The following PDE8A variants were observed in gnomAD, a reference collection of about 807,000 sequenced individuals.
PDE8A encodes the protein phosphodiesterase 8A.
Under a neutral mutation model 105.0 loss-of-function variants are expected in PDE8A, and 59 were observed. That is an observed-to-expected ratio of 0.56 (90% CI 0.46 to 0.70). The LOEUF (loss-of-function observed/expected upper bound fraction) is 0.70. Ranked by LOEUF, PDE8A falls within the 30% of genes least tolerant of loss-of-function variation. The pLI, the probability that PDE8A is intolerant of heterozygous loss-of-function variation, is 0.00. For missense variants in PDE8A, 1,014 were observed against 1,045.9 expected (o/e 0.97, Z 0.42); for synonymous variants, 355 against 371.9 (o/e 0.95, Z 0.52).
chr15:85,079,006 A>C (rs994518504), intron 5 of PDE8A, among the ~76,000 whole-genome samples: 3 of 152,188 alleles, frequency 2.0e-5, no homozygotes, highest in Admixed American at 2.0e-4. Context: ...GAACTACAAC[A>C]GAAATTTGAA....
chr15:85,097,724 G>T, intron 8 of PDE8A: 1 of 479,970 alleles, frequency 2.1e-6, no homozygotes. Flanking sequence ...GAAAATATAT[G>T]ACCACTTAGA....
chr15:84,988,653 C>A (rs1057263195), intron 1 of PDE8A, among the ~76,000 whole-genome samples: 2 of 152,230 alleles, frequency 1.3e-5, no homozygotes, highest in Non-Finnish European at 2.9e-5. Context: ...GCTGTTCCCC[C>A]ACCAGTGCTG....
chr15:85,039,582 C>T (rs1318669018), intron 1 of PDE8A, among the ~76,000 whole-genome samples: 2 of 152,054 alleles, frequency 1.3e-5, no homozygotes, highest in South Asian at 4.1e-4. Flanking sequence ...CTTAGCATGC[C>T]ATCTAGCAAT....
rs1195191865 is a variant in PDE8A at position 85,077,767 on chromosome 15, C to G, written c.546+980C>G. ...TATAGGTAAAGAAATAAAAGATAAA[C>G]CAGGAAATATCTGCAAGGAATAGGA... On this transcript the variant is annotated intron_variant, in intron 5 of 21. Transcript: ENST00000394553. Among the ~76,000 whole-genome samples, 20 of 152,014 alleles carry G rather than the reference C, an allele frequency of 1.3e-4. No individual in the cohort carries two copies. The South Asian group carries it at 3.7e-3, about 28-fold the overall frequency.
chr15:85,027,549 TTTA>T (rs2080538748), intron 1 of PDE8A, among the ~76,000 whole-genome samples: 1 of 152,178 alleles, frequency 6.6e-6, no homozygotes, highest in South Asian at 2.1e-4. Flanking sequence ...ACTTACTGCG[TTTA>T]GTTATTCCTA....
At chr15:84,990,691 T>A (rs2079873272) in intron 1 of PDE8A, among the ~76,000 whole-genome samples, 1 of 152,248 alleles carries the variant, frequency 6.6e-6, no homozygotes, top group African/African-American at 2.4e-5. Flanking sequence ...CTATGAATAT[T>A]CTAGTACACA....
chr15:85,053,580 G>A (rs1331880713), intron 1 of PDE8A, among the ~76,000 whole-genome samples: 1 of 152,198 alleles, frequency 6.6e-6, no homozygotes, highest in Non-Finnish European at 1.5e-5. Context: ...TCTCTTGGAA[G>A]CAATTGTGAA....
At chr15:85,068,625 G>A (rs193074352) in intron 3 of PDE8A, among the ~76,000 whole-genome samples, 183 of 150,604 alleles carry the variant, frequency 1.2e-3, no homozygotes, top group African/African-American at 4.4e-3. Flanking sequence ...TAAATTACAT[G>A]GTGCTTGGTA....
intron 1 of PDE8A, among the ~76,000 whole-genome samples, chr15:85,018,694 A>C (rs1473429058): frequency 2.6e-5 from 4 of 152,352 alleles, no homozygotes; most frequent in Middle Eastern, 3.4e-3. Flanking sequence ...TCCATTTTAC[A>C]CACTTGCAGA....
chr15:84,990,643 G>A (rs985736670), intron 1 of PDE8A, among the ~76,000 whole-genome samples: 1 of 152,148 alleles, frequency 6.6e-6, no homozygotes, highest in Non-Finnish European at 1.5e-5. Context: ...TTGGATACTA[G>A]GGCTGTTTCT....
intron 1 of PDE8A, among the ~76,000 whole-genome samples, chr15:85,027,345 AG>A (rs2080534482): frequency 6.6e-6 from 1 of 152,220 alleles, no homozygotes; most frequent in African/African-American, 2.4e-5. Context: ...GCCATCTGGA[AG>A]CCCAAGAACT....
chr15:85,074,711 C>T (rs751108912), intron 3 of PDE8A, among the ~76,000 whole-genome samples: 1 of 152,206 alleles, frequency 6.6e-6, no homozygotes, highest in Non-Finnish European at 1.5e-5. Flanking sequence ...TGATGAATCT[C>T]TTACGCATCT....
chr15:85,001,102 T>C (rs2080059801), intron 1 of PDE8A, among the ~76,000 whole-genome samples: 1 of 152,100 alleles, frequency 6.6e-6, no homozygotes, highest in African/African-American at 2.4e-5. Context: ...GCCTGATGGG[T>C]TCCTGCGCCC....
At chr15:85,069,887 C>T (rs1410042342) in intron 3 of PDE8A, among the ~76,000 whole-genome samples, 1 of 152,186 alleles carries the variant, frequency 6.6e-6, no homozygotes, top group East Asian at 1.9e-4. Context: ...TTGTGCTAAT[C>T]GTAGTGAGTT....
At chr15:85,082,581 C>T (rs1198105135) in intron 5 of PDE8A, among the ~76,000 whole-genome samples, 6 of 152,242 alleles carry the variant, frequency 3.9e-5, no homozygotes, top group African/African-American at 1.2e-4. Flanking sequence ...GGGTCATTTG[C>T]GTTCACCGTG....
intron 16 of PDE8A, among the ~76,000 whole-genome samples, chr15:85,116,715 C>T (rs1465294214): frequency 6.6e-6 from 1 of 152,188 alleles, no homozygotes; most frequent in Non-Finnish European, 1.5e-5. Context: ...ACTAGGGTGT[C>T]TAGGCAGAGG....
intron 20 of PDE8A, among the ~76,000 whole-genome samples, chr15:85,133,111 G>A (rs568019240): frequency 6.0e-4 from 92 of 152,250 alleles, no homozygotes; most frequent in African/African-American, 2.0e-3. Context: ...CATTTTCTGA[G>A]CATGTCTTGT....
chr15:84,988,608 G>A (rs117940958), intron 1 of PDE8A, among the ~76,000 whole-genome samples: 1,619 of 152,302 alleles, frequency 0.011, 14 homozygotes, highest in Non-Finnish European at 0.017. Flanking sequence ...GAGTTCCCCA[G>A]GAGCTGGTTC....
chr15:85,130,056 C>T (rs1481761143), intron 20 of PDE8A, among the ~76,000 whole-genome samples: 2 of 152,200 alleles, frequency 1.3e-5, no homozygotes, highest in African/African-American at 2.4e-5. Flanking sequence ...ATAGAACTAA[C>T]ATCTGCTCAG....
Sources: gnomAD v4.1 joint callset for allele counts (sites outside exome capture counted in the v4.1 genomes callset) on GRCh38, gnomAD v4.1.1 for gene constraint, MANE v1.5 for transcripts, NCBI Gene and HGNC (gene_info 2026-07-23, HGNC 2026-07-21) for gene names.